HIPK2: variants seen among roughly 807,000 people sequenced by gnomAD.
HIPK2 encodes the protein homeodomain interacting protein kinase 2, also known as homeodomain-interacting protein kinase 2.
Under a neutral mutation model 113.7 loss-of-function variants are expected in HIPK2, and 27 were observed. That is an observed-to-expected ratio of 0.24 (90% CI 0.17 to 0.33). The LOEUF (loss-of-function observed/expected upper bound fraction) is 0.33. Among genes scored for constraint, HIPK2 ranks in the 10% least tolerant of loss-of-function variants. HIPK2 has a pLI of 1.00. For missense variants in HIPK2, 1,257 were observed against 1,588.0 expected (o/e 0.79, Z 3.54); for synonymous variants, 631 against 642.2 (o/e 0.98, Z 0.26).
chr7:139,704,857 CCT>C (rs1585398945), intron 2 of HIPK2, among the ~76,000 whole-genome samples: 1 of 152,166 alleles, frequency 6.6e-6, no homozygotes, highest in East Asian at 1.9e-4. Flanking sequence ...TAGCGTTGCT[CCT>C]GGGCCAGAAG....
chr7:139,655,023 G>A (rs1801607081), intron 2 of HIPK2, among the ~76,000 whole-genome samples: 1 of 152,072 alleles, frequency 6.6e-6, no homozygotes. Context: ...ATTCACAGGC[G>A]ACAAAGAGCA....
intron 2 of HIPK2, among the ~76,000 whole-genome samples, chr7:139,651,456 T>C (rs1166559695): frequency 2.6e-5 from 4 of 152,232 alleles, no homozygotes; most frequent in Non-Finnish European, 2.9e-5. Flanking sequence ...CTGGCAACTC[T>C]GGGCCACTTG....
intron 2 of HIPK2, among the ~76,000 whole-genome samples, chr7:139,632,283 TG>T (rs1800645240): frequency 6.6e-6 from 1 of 152,176 alleles, no homozygotes; most frequent in Admixed American, 6.5e-5. Context: ...CCTGAGTAGC[TG>T]GGTCTATAGG....
intron 12 of HIPK2, among the ~76,000 whole-genome samples, chr7:139,596,246 G>A (rs1362460771): frequency 6.6e-6 from 1 of 152,246 alleles, no homozygotes; most frequent in Non-Finnish European, 1.5e-5. Flanking sequence ...CTCTCTGGGT[G>A]AAGAGCCAAC....
intron 2 of HIPK2, among the ~76,000 whole-genome samples, chr7:139,662,206 C>T (rs1388740286): frequency 6.6e-6 from 1 of 152,206 alleles, no homozygotes; most frequent in Non-Finnish European, 1.5e-5. Flanking sequence ...AGCTAACATC[C>T]AGCCAGCGGC....
intron 2 of HIPK2, among the ~76,000 whole-genome samples, chr7:139,639,000 T>C (rs983344466): frequency 6.6e-5 from 10 of 152,182 alleles, no homozygotes. Flanking sequence ...CATATCTGCC[T>C]CTACTATACC....
At chr7:139,606,285 A>C (rs1799612482) in intron 9 of HIPK2, among the ~76,000 whole-genome samples, 1 of 152,200 alleles carries the variant, frequency 6.6e-6, no homozygotes, top group South Asian at 2.1e-4. Flanking sequence ...TGACTTCTTA[A>C]TACCAGTTCT....
Position 139,596,586 on chromosome 7 carries a change from AG to A in HIPK2, c.2717+130del, listed in dbSNP as rs137957290. ...CTTGAAATAACTTTAGGACCACAGT[AG>A]ATGGCAAAACCAAACTGTAAGGGTC... On this transcript the variant is annotated intron_variant, in intron 12 of 14. Transcript: ENST00000406875. 5.9e-3 allele frequency: 7,253 copies of A among 1,235,548 alleles called. 34 individuals carry two copies. The highest frequency in any genetic ancestry group is 7.3e-3 in the Non-Finnish European group (6,502 of 886,342). 76.5% of individuals were successfully genotyped at this position (1,235,548 alleles called of 1,614,324 possible).
intron 2 of HIPK2, among the ~76,000 whole-genome samples, chr7:139,635,872 CA>C (rs541206589): frequency 2.0e-5 from 3 of 152,170 alleles, no homozygotes; most frequent in Non-Finnish European, 2.9e-5. Flanking sequence ...AAACAGAACA[CA>C]AAAAACAAAA....
intron 2 of HIPK2, among the ~76,000 whole-genome samples, chr7:139,641,202 TA>T (rs772412863): frequency 3.3e-5 from 5 of 151,880 alleles, no homozygotes; most frequent in Non-Finnish European, 5.9e-5. Flanking sequence ...CCGTCTCTAC[TA>T]AAAATACAAA....
intron 12 of HIPK2, among the ~76,000 whole-genome samples, chr7:139,596,162 A>G (rs756373698): frequency 7.2e-5 from 11 of 152,244 alleles, no homozygotes; most frequent in African/African-American, 1.2e-4. Context: ...AATATAATAA[A>G]GATTTCTTCC....
chr7:139,698,357 A>G (rs1017182819), intron 2 of HIPK2, among the ~76,000 whole-genome samples: 7 of 152,196 alleles, frequency 4.6e-5, no homozygotes, highest in Non-Finnish European at 1.0e-4. Flanking sequence ...ACGTTCATCC[A>G]CTGATGGACA....
intron 2 of HIPK2, among the ~76,000 whole-genome samples, chr7:139,692,591 A>AT (rs1347920075): frequency 6.6e-6 from 1 of 152,220 alleles, no homozygotes; most frequent in African/African-American, 2.4e-5. Flanking sequence ...GAATGGTTAG[A>AT]TCCCACATGA....
At chr7:139,719,567 C>A (rs1795348058) in intron 1 of HIPK2, among the ~76,000 whole-genome samples, 1 of 152,196 alleles carries the variant, frequency 6.6e-6, no homozygotes, top group Admixed American at 6.5e-5. Context: ...TATATTGCAG[C>A]CTCCTGCTAC....
intron 11 of HIPK2, among the ~76,000 whole-genome samples, chr7:139,597,942 A>G (rs1022814094): frequency 2.0e-5 from 3 of 152,338 alleles, no homozygotes; most frequent in Admixed American, 1.3e-4. Flanking sequence ...GAATATTTGC[A>G]TATACATAAT....
intron 13 of HIPK2, among the ~76,000 whole-genome samples, chr7:139,578,185 T>C (rs1349180880): frequency 6.6e-6 from 1 of 152,176 alleles, no homozygotes; most frequent in Admixed American, 6.5e-5. Flanking sequence ...AATTTTTGTA[T>C]TTTTAGTAGA....
intron 2 of HIPK2, among the ~76,000 whole-genome samples, chr7:139,709,332 A>G (rs1794996865): frequency 6.6e-6 from 1 of 152,052 alleles, no homozygotes; most frequent in Admixed American, 6.6e-5. Flanking sequence ...GCTTTCAGAG[A>G]CCCTCTTTTC....
chr7:139,749,990 C>T (rs917080202), intron 1 of HIPK2, among the ~76,000 whole-genome samples: 6 of 152,246 alleles, frequency 3.9e-5, no homozygotes, highest in African/African-American at 1.4e-4. Context: ...GCTGGGAGAA[C>T]ATCGCTGACC....
At chr7:139,610,610 G>A (rs997603161) in intron 9 of HIPK2, among the ~76,000 whole-genome samples, 1 of 151,844 alleles carries the variant, frequency 6.6e-6, no homozygotes, top group Non-Finnish European at 1.5e-5. Context: ...TGGTGTTAGT[G>A]GTCAACTGCA....
Sources: gnomAD v4.1 joint callset for allele counts (sites outside exome capture counted in the v4.1 genomes callset) on GRCh38, gnomAD v4.1.1 for gene constraint, MANE v1.5 for transcripts, NCBI Gene and HGNC (gene_info 2026-07-23, HGNC 2026-07-21) for gene names.